Variants in ANK1 observed in about 807,000 individuals in gnomAD.
The protein encoded by ANK1 is ankyrin 1, also known as ankyrin-1.
ANK1 carries 51 observed loss-of-function variants against 210.4 expected under a neutral mutation model. That is an observed-to-expected ratio of 0.24 (90% CI 0.19 to 0.31). The LOEUF is 0.31. Among genes scored for constraint, ANK1 ranks in the 10% least tolerant of loss-of-function variants. The pLI is 1.00. For synonymous variants in ANK1, 967 were observed against 1,025.9 expected (o/e 0.94, Z 1.10); for missense variants, 2,051 against 2,504.4 (o/e 0.82, Z 3.86).
chr8:41,692,351 C>T (rs1819512524), intron 31 of ANK1, among the ~76,000 whole-genome samples: 1 of 152,250 alleles, frequency 6.6e-6, no homozygotes, highest in South Asian at 2.1e-4. Context: ...GCCACTGCGC[C>T]CGGCATGGCC....
intron 2 of ANK1, among the ~76,000 whole-genome samples, chr8:41,735,680 A>T (rs1023206463): frequency 1.3e-5 from 2 of 152,172 alleles, no homozygotes; most frequent in African/African-American, 4.8e-5. Flanking sequence ...CAAGTATTCT[A>T]CCTGGGAGTG....
At chr8:41,881,776 C>G (rs538211564) in intron 1 of ANK1, among the ~76,000 whole-genome samples, 1 of 152,312 alleles carries the variant, frequency 6.6e-6, no homozygotes, top group African/African-American at 2.4e-5. Context: ...GGGACTTCAC[C>G]TTCCTGAGCC....
chr8:41,738,216 A>T (rs1212207082), intron 2 of ANK1, among the ~76,000 whole-genome samples: 1 of 141,534 alleles, frequency 7.1e-6, no homozygotes, highest in Non-Finnish European at 1.6e-5. Flanking sequence ...TAGATTCTAA[A>T]CCCATAAGCT....
intron 42 of ANK1, among the ~76,000 whole-genome samples, chr8:41,659,640 CT>C (rs1433169326): frequency 6.6e-6 from 1 of 152,176 alleles, no homozygotes; most frequent in African/African-American, 2.4e-5. Context: ...CCCTAACCCT[CT>C]GGGACTTTGG....
intron 37 of ANK1, among the ~76,000 whole-genome samples, chr8:41,681,556 T>C (rs962018027): frequency 6.6e-6 from 1 of 152,168 alleles, no homozygotes; most frequent in African/African-American, 2.4e-5. Context: ...GAGCTGCCTA[T>C]CACTACCCAG....
At chr8:41,714,283 G>A (rs1177708661) in intron 15 of ANK1, 29 bp from the exon 16 acceptor site, 1 of 1,533,318 alleles carries the variant, frequency 6.5e-7, no homozygotes, top group South Asian at 1.3e-5. Flanking sequence ...AAAGAGGCCG[G>A]CTGTCACTCC....
intron 1 of ANK1, among the ~76,000 whole-genome samples, chr8:41,803,669 A>G (rs1850511726): frequency 6.6e-6 from 1 of 151,992 alleles, no homozygotes; most frequent in East Asian, 1.9e-4. Context: ...AAGTTTTACC[A>G]TTAAGTATAA....
At chr8:41,795,122 A>C (rs1256596181) in intron 1 of ANK1, among the ~76,000 whole-genome samples, 1 of 152,240 alleles carries the variant, frequency 6.6e-6, no homozygotes, top group Non-Finnish European at 1.5e-5. Flanking sequence ...TGCTTTTCTA[A>C]ATATATTGCA....
chr8:41,667,979 A>G (rs1486365116), intron 39 of ANK1, among the ~76,000 whole-genome samples: 2 of 152,224 alleles, frequency 1.3e-5, no homozygotes, highest in Non-Finnish European at 1.5e-5. Context: ...CTTTGGAGTC[A>G]GCGAGACCCA....
intron 37 of ANK1, among the ~76,000 whole-genome samples, chr8:41,682,519 G>A (rs2150575341): frequency 6.6e-6 from 1 of 152,382 alleles, no homozygotes; most frequent in South Asian, 2.1e-4. Context: ...TGCCTGGCAT[G>A]TGGTTGATAC....
In ANK1 at chr8:41,822,371, T is replaced by C. The variant is rs139123436; in HGVS notation, c.127-64234A>G. On this transcript the variant is annotated intron_variant, in intron 1 of 42. Coordinates refer to the ANK1 transcript ENST00000265709. ...GACAGCACGCTTGTGTGCTGATGGC[T>C]GATTGGGAATGAGGTGGATCCGTTT... Among the ~76,000 whole-genome samples the C allele has an allele frequency of 5.1e-3, 773 of 152,326 alleles. 3 individuals are homozygous for C. Among genetic ancestry groups the C allele is most frequent in the Non-Finnish European group, 9.0e-3 (612 of 68,026 alleles).
At chr8:41,790,256 C>T (rs1330648506) in intron 1 of ANK1, among the ~76,000 whole-genome samples, 2 of 151,852 alleles carry the variant, frequency 1.3e-5, no homozygotes, top group South Asian at 4.2e-4. Context: ...AAGCGATTCT[C>T]CCGCCTCAGC....
chr8:41,851,473 G>C (rs1042973831), intron 1 of ANK1, among the ~76,000 whole-genome samples: 2 of 152,252 alleles, frequency 1.3e-5, no homozygotes, highest in African/African-American at 4.8e-5. Context: ...GGTGTTGACT[G>C]CTTCCTGCCC....
At chr8:41,788,332 G>T (rs896785938) in intron 1 of ANK1, among the ~76,000 whole-genome samples, 3 of 152,142 alleles carry the variant, frequency 2.0e-5, no homozygotes, top group Non-Finnish European at 4.4e-5. Flanking sequence ...GCAGAGGACC[G>T]GAGGAGTCAG....
intron 1 of ANK1, among the ~76,000 whole-genome samples, chr8:41,853,366 G>A (rs1004032916): frequency 6.6e-6 from 1 of 152,130 alleles, no homozygotes; most frequent in Non-Finnish European, 1.5e-5. Flanking sequence ...TTTCTGCATC[G>A]CAAAGGCAAA....
At position 41,781,050 on chromosome 8, in the gene ANK1, G is replaced by T. The variant is rs149094259; in HGVS notation, c.27+16462C>A. On this transcript the variant is annotated intron_variant, in intron 1 of 42. Transcript: ENST00000289734. ...AAACTTGTAAAATCCTCAACCAGAA[G>T]TGCTAAAGAGAAACGTCTCTGCCTG... Among the ~76,000 whole-genome samples, 230 of 152,292 alleles carry T rather than the reference G, an allele frequency of 1.5e-3. 1 individual carries two copies. Among genetic ancestry groups the T allele is most frequent in the African/African-American group, 5.3e-3 (222 of 41,564 alleles).
chr8:41,781,444 G>A (rs751785911), intron 1 of ANK1, among the ~76,000 whole-genome samples: 53 of 152,204 alleles, frequency 3.5e-4, no homozygotes, highest in Admixed American at 3.3e-4. Flanking sequence ...AGCTGTGCAC[G>A]GTGCCTGCTG....
intron 1 of ANK1, among the ~76,000 whole-genome samples, chr8:41,891,283 GT>G (rs111612663): frequency 0.25 from 36,254 of 147,158 alleles, 4,553 homozygotes; most frequent in African/African-American, 0.27. Context: ...AGATGAGTTT[GT>G]TTTTTTTTTT....
At chr8:41,747,499 G>A (rs550401585) in intron 2 of ANK1, among the ~76,000 whole-genome samples, 45 of 152,164 alleles carry the variant, frequency 3.0e-4, no homozygotes, top group African/African-American at 9.6e-4. Flanking sequence ...ATTTATCTGC[G>A]CTTGTGCCTG....
Sources: allele counts gnomAD v4.1 joint callset (sites outside exome capture counted in the v4.1 genomes callset), GRCh38; gene constraint gnomAD v4.1.1; transcripts MANE v1.5; gene names NCBI Gene and HGNC (gene_info 2026-07-23, HGNC 2026-07-21).